RFX2: variants seen among roughly 807,000 people sequenced by gnomAD.
The protein encoded by RFX2 is DNA-binding protein RFX2.
A neutral mutation model predicts 87.8 loss-of-function variants in RFX2; 20 were observed. The ratio of observed to expected loss-of-function variants is 0.23; its 90% confidence interval spans 0.16 to 0.33. RFX2 has a LOEUF of 0.33. RFX2 is among the 10% of genes least tolerant of loss of function. RFX2 has a pLI of 1.00. For synonymous variants in RFX2, 397 were observed against 431.3 expected (o/e 0.92, Z 0.98); for missense variants, 767 against 1,012.3 (o/e 0.76, Z 3.29).
In RFX2 at chr19:6,001,520, A is replaced by T. The variant is rs2086489300; in HGVS notation, c.1859+295T>A. ...CCATCCTCCTGCCTTGGCCTCCCAA[A>T]GTGGTGGGATTATAAGTATGAGCCA... is the stretch of plus-strand genomic sequence containing the variant. On this transcript the variant is annotated intron_variant, in intron 15 of 17. Coordinates refer to ENST00000303657, the MANE Select transcript of RFX2 (RefSeq NM_000635.4). The surrounding 1 kb of genome is among the most constrained non-coding windows in gnomAD (Gnocchi z 5.6). Among the ~76,000 whole-genome samples the T allele has an allele frequency of 6.6e-6, 1 of 152,158 alleles. No homozygotes were observed. The highest frequency in any genetic ancestry group is 2.1e-4 in the South Asian group (1 of 4,826).
rs148667164 is a variant in RFX2 at position 6,063,398 on chromosome 19, G to C, written c.-8-15894C>G. Among the ~76,000 whole-genome samples, 48 of 152,346 alleles carry C rather than the reference G, an allele frequency of 3.2e-4. No homozygotes were observed. In the East Asian group the frequency reaches 8.9e-3, roughly 28 times the overall value. ...CTCGCAGTGACAAGGTGGCTGCAGTGCATGGAGGGCCACCGGAGGCTGGCA... is the reference window on the plus strand; with the variant it reads ...CTCGCAGTGACAAGGTGGCTGCAGTCCATGGAGGGCCACCGGAGGCTGGCA... On this transcript the variant is annotated intron_variant, in intron 1 of 17. Transcript: ENST00000303657. The surrounding 1 kb of genome is among the most constrained non-coding windows in gnomAD (Gnocchi z 4.0).
intron 1 of RFX2, chr19:6,049,152 T>A (rs2087237080): frequency 6.6e-6 from 1 of 152,266 alleles, no homozygotes; most frequent in Non-Finnish European, 1.5e-5. Flanking sequence ...AATTTTTCTG[T>A]TACAAGCTGC....
At chr19:6,069,141 C>G (rs907434921) in intron 1 of RFX2, among the ~76,000 whole-genome samples, 2 of 152,184 alleles carry the variant, frequency 1.3e-5, no homozygotes, top group Non-Finnish European at 1.5e-5. Context: ...CCTAGACACC[C>G]AGGTTGAGAT....
chr19:6,081,465 T>G (rs1332717281), intron 1 of RFX2, among the ~76,000 whole-genome samples: 2 of 152,274 alleles, frequency 1.3e-5, no homozygotes, highest in Non-Finnish European at 1.5e-5. Context: ...ATTAAGCATT[T>G]AGTTAACATG....
At position 6,008,239 on chromosome 19, in the gene RFX2, C is replaced by T. The variant is rs202125727; in HGVS notation, c.1016-15G>A. The T allele has an allele frequency of 3.1e-4, 472 of 1,510,606 alleles. 2 individuals are homozygous for T. The South Asian group carries it at 5.5e-3, about 17-fold the overall frequency. 93.6% of individuals were successfully genotyped at this position (1,510,606 alleles called of 1,614,324 possible). ...GTGGGAGACATCTGGGGGAGGAACA[C>T]GGGAACATCAGAAATGGCGAGGCTC... On this transcript the variant is annotated splice_polypyrimidine_tract_variant and intron_variant, in intron 9 of 17. Coordinates refer to ENST00000303657, the MANE Select transcript of RFX2 (RefSeq NM_000635.4).
chr19:6,099,912 G>C (rs2088092115), intron 1 of RFX2, among the ~76,000 whole-genome samples: 1 of 152,206 alleles, frequency 6.6e-6, no homozygotes, highest in South Asian at 2.1e-4. Context: ...CTTGGGGAAA[G>C]GGGAGTGTGC....
intron 1 of RFX2, among the ~76,000 whole-genome samples, chr19:6,102,862 C>T (rs2088148644): frequency 6.6e-6 from 1 of 152,164 alleles, no homozygotes; most frequent in Admixed American, 6.5e-5. Flanking sequence ...CAGTGGCTCA[C>T]ATCTATAATC....
chr19:6,043,289 G>A (rs1221848481), intron 3 of RFX2, among the ~76,000 whole-genome samples: 1 of 152,202 alleles, frequency 6.6e-6, no homozygotes, highest in Non-Finnish European at 1.5e-5. Context: ...GAGGCCCTGC[G>A]TCCCCGCTGG....
At chr19:6,108,876 A>G (rs746927666) in intron 1 of RFX2, among the ~76,000 whole-genome samples, 5 of 152,116 alleles carry the variant, frequency 3.3e-5, no homozygotes, top group Non-Finnish European at 7.4e-5. Context: ...AATAGCCACT[A>G]GGATCGGGAA....
intron 5 of RFX2, among the ~76,000 whole-genome samples, chr19:6,031,492 C>T (rs561916473): frequency 1.5e-4 from 16 of 108,866 alleles, no homozygotes; most frequent in Non-Finnish European, 2.5e-4. Context: ...TGCAGTGTTG[C>T]GATCTTGGCT....
At chr19:6,005,553 G>A (rs1007170483) in intron 12 of RFX2, among the ~76,000 whole-genome samples, 1 of 152,196 alleles carries the variant, frequency 6.6e-6, no homozygotes, top group African/African-American at 2.4e-5. Context: ...TGGAGGCCCT[G>A]GGAGGTCTCC....
At chr19:6,079,080 C>A (rs1303671988) in intron 1 of RFX2, among the ~76,000 whole-genome samples, 1 of 152,172 alleles carries the variant, frequency 6.6e-6, no homozygotes. Flanking sequence ...CCGGCCATTA[C>A]TTGCATATCA....
Position 6,013,972 on chromosome 19 carries a change from C to A in RFX2, c.780-867G>T, listed in dbSNP as rs534286658. 2.0e-5 allele frequency among the ~76,000 whole-genome samples: 3 copies of A among 152,140 alleles called. No homozygotes were observed. The highest frequency in any genetic ancestry group is 7.2e-5 in the African/African-American group (3 of 41,410). ...CATTATTATTAACAACTCTTCCCCACCCCCTTCAATCATCTAGTAACACGT... is the reference window on the plus strand; with the variant it reads ...CATTATTATTAACAACTCTTCCCCAACCCCTTCAATCATCTAGTAACACGT... On this transcript the variant is annotated intron_variant, in intron 7 of 17. Transcript: ENST00000303657. This position sits in a 1 kb window ranked among gnomAD's most constrained non-coding sequence, Gnocchi z 4.1.
chr19:6,072,118 G>A (rs2087614975), intron 1 of RFX2: 2 of 151,968 alleles, frequency 1.3e-5, no homozygotes, highest in East Asian at 3.9e-4. Context: ...AGATAATTTT[G>A]GATAAAAAAA....
In RFX2 at chr19:6,018,710, TGG is replaced by T. The variant is rs1290582359; in HGVS notation, c.598-2441_598-2440del. On this transcript the variant is annotated intron_variant, in intron 6 of 17. Transcript: ENST00000303657. ...TCACCCAGCAGGGGCACTGCCCACG[TGG>T]GTGTTGAGGATGAAGAGGAGCAAAG... Among the ~76,000 whole-genome samples, 4 of 152,328 alleles carry T rather than the reference TGG, an allele frequency of 2.6e-5. No individual in the cohort carries two copies. The East Asian group carries it at 7.7e-4, about 29-fold the overall frequency.
rs1310003420 is a variant in RFX2 at position 6,045,249 on chromosome 19, C to T, written c.91-967G>A. ...GCATTCTGATTCCAGGTGAGCTGGGCGCCGTGTGCTTGGAGAATTCACAGG... is the reference window on the plus strand; with the variant it reads ...GCATTCTGATTCCAGGTGAGCTGGGTGCCGTGTGCTTGGAGAATTCACAGG... On this transcript the variant is annotated intron_variant, in intron 2 of 17. Coordinates refer to ENST00000303657, the MANE Select transcript of RFX2 (RefSeq NM_000635.4). The surrounding 1 kb of genome is among the most constrained non-coding windows in gnomAD (Gnocchi z 5.2). Among the ~76,000 whole-genome samples, 2 of 152,110 alleles carry T rather than the reference C, an allele frequency of 1.3e-5. No individual in the cohort carries two copies. Among genetic ancestry groups the T allele is most frequent in the Non-Finnish European group, 2.9e-5 (2 of 68,020 alleles).
intron 1 of RFX2, among the ~76,000 whole-genome samples, chr19:6,053,727 G>T (rs894198985): frequency 6.6e-6 from 1 of 152,098 alleles, no homozygotes; most frequent in Admixed American, 6.5e-5. Flanking sequence ...GGCCGAGGGC[G>T]GGTGGATCAC....
At chr19:6,009,484 G>A (rs1358880014) in intron 9 of RFX2, among the ~76,000 whole-genome samples, 1 of 152,174 alleles carries the variant, frequency 6.6e-6, no homozygotes, top group East Asian at 1.9e-4. Flanking sequence ...TGGGGAACCA[G>A]AAGCACCCCA....
At position 5,994,866 on chromosome 19, in the gene RFX2, C is replaced by T. The variant is rs755129551; in HGVS notation, c.2141G>A (p.Ser714Asn). The change falls in exon 18 of 18, where the codon AGT (serine) becomes AAT (asparagine). Residue 714 changes from serine to asparagine, a missense_variant. By Grantham distance (46) the Ser-to-Asn change is conservative (BLOSUM62 1). Transcript: ENST00000303657. Reference protein sequence around the residue: ...LGEPLVKRERSDPNHSLQGI With the variant: ...LGEPLVKRERNDPNHSLQGI ...GCCCTGCAGGGAGTGGTTGGGGTCA[C>T]TGCGCTCCCGCTTTACCAGGGGCTC... The T allele has an allele frequency of 1.2e-5, 20 of 1,610,466 alleles. No homozygotes were observed. Among genetic ancestry groups the T allele is most frequent in the Non-Finnish European group, 1.3e-5 (15 of 1,179,872 alleles).
Sources: allele counts gnomAD v4.1 joint callset (sites outside exome capture counted in the v4.1 genomes callset), GRCh38; gene constraint gnomAD v4.1.1; non-coding constraint Gnocchi (gnomAD v3.1); transcripts MANE v1.5; gene names NCBI Gene and HGNC (gene_info 2026-07-23, HGNC 2026-07-21).